Variants in PPP1R9A observed in about 807,000 individuals in gnomAD.
PPP1R9A encodes the protein neurabin-1.
Under a neutral mutation model 141.9 loss-of-function variants are expected in PPP1R9A, and 59 were observed. The observed-to-expected ratio is 0.42, with a 90% CI of 0.34 to 0.52. The LOEUF (loss-of-function observed/expected upper bound fraction) is 0.52. Ranked by LOEUF, PPP1R9A falls within the 20% of genes least tolerant of loss-of-function variation. The pLI, the probability that PPP1R9A is intolerant of heterozygous loss-of-function variation, is 0.10. For missense variants in PPP1R9A, 1,444 were observed against 1,611.9 expected (o/e 0.90, Z 1.78); for synonymous variants, 500 against 569.7 (o/e 0.88, Z 1.74).
intron 4 of PPP1R9A, among the ~76,000 whole-genome samples, chr7:95,148,424 C>T (rs1332815174): frequency 6.6e-6 from 1 of 152,070 alleles, no homozygotes; most frequent in African/African-American, 2.4e-5. Context: ...TTATGAGCCC[C>T]TCTGTGCCCA....
chr7:95,169,680 T>G (rs998265117), intron 5 of PPP1R9A, among the ~76,000 whole-genome samples: 34 of 151,854 alleles, frequency 2.2e-4, no homozygotes, highest in African/African-American at 8.2e-4. Flanking sequence ...ATTAAAAAAT[T>G]TAAAAATTAA....
chr7:95,056,194 C>T (rs1017992818), intron 2 of PPP1R9A, among the ~76,000 whole-genome samples: 1 of 152,024 alleles, frequency 6.6e-6, no homozygotes, highest in African/African-American at 2.4e-5. Flanking sequence ...ACACTTGATA[C>T]CTATGGATTT....
chr7:94,945,483 A>C (rs565401503), intron 2 of PPP1R9A, among the ~76,000 whole-genome samples: 2 of 152,222 alleles, frequency 1.3e-5, no homozygotes, highest in East Asian at 3.9e-4. Context: ...GTCATTGAAA[A>C]ATTACCAGTC....
intron 2 of PPP1R9A, among the ~76,000 whole-genome samples, chr7:95,069,947 A>G (rs1470526171): frequency 6.6e-6 from 1 of 152,162 alleles, no homozygotes; most frequent in Non-Finnish European, 1.5e-5. Flanking sequence ...TTGTTAGCAC[A>G]CAGTAAACTG....
chr7:95,190,890 A>G (rs1405973050), intron 5 of PPP1R9A, among the ~76,000 whole-genome samples: 2 of 152,182 alleles, frequency 1.3e-5, no homozygotes, highest in South Asian at 2.1e-4. Flanking sequence ...TGACTCCACA[A>G]TCAGCTTTTT....
intron 5 of PPP1R9A, among the ~76,000 whole-genome samples, chr7:95,169,196 C>T (rs764663602): frequency 2.5e-4 from 38 of 151,982 alleles, no homozygotes; most frequent in Middle Eastern, 3.4e-3. Context: ...CGGTGAAATA[C>T]TATTTTGCCA....
At chr7:94,941,234 G>T (rs540375711) in intron 2 of PPP1R9A, among the ~76,000 whole-genome samples, 3 of 152,100 alleles carry the variant, frequency 2.0e-5, no homozygotes, top group African/African-American at 7.2e-5. Flanking sequence ...GACAAACAAG[G>T]CTTAGAGTTA....
chr7:94,985,598 G>T (rs1189534439), intron 2 of PPP1R9A, among the ~76,000 whole-genome samples: 1 of 152,010 alleles, frequency 6.6e-6, no homozygotes, highest in Non-Finnish European at 1.5e-5. Flanking sequence ...TGTTTCTTTT[G>T]ATCTTTGTTG....
intron 7 of PPP1R9A, among the ~76,000 whole-genome samples, chr7:95,220,140 A>G (rs1340288063): frequency 6.6e-6 from 1 of 152,150 alleles, no homozygotes; most frequent in East Asian, 1.9e-4. Context: ...CACAGGAGTC[A>G]CTGACAAAAA....
At chr7:95,253,522 C>A (rs1046978768) in intron 12 of PPP1R9A, among the ~76,000 whole-genome samples, 16 of 150,816 alleles carry the variant, frequency 1.1e-4, no homozygotes, top group Admixed American at 8.0e-4. Context: ...ATAAATAGTG[C>A]CTCTTAGGCA....
intron 2 of PPP1R9A, among the ~76,000 whole-genome samples, chr7:95,096,385 G>A (rs933792058): frequency 9.2e-5 from 14 of 152,048 alleles, no homozygotes; most frequent in African/African-American, 3.4e-4. Flanking sequence ...TTGTTGCAAG[G>A]ACAGTGCAAT....
rs774262306 is a variant in PPP1R9A at position 94,910,989 on chromosome 7, A to G, written c.876A>G (p.Ile292Met). 6.2e-7 allele frequency: 1 copy of G among 1,614,132 alleles called. No individual in the cohort carries two copies. The highest frequency in any genetic ancestry group is 1.7e-5 in the Admixed American group (1 of 60,014). Reference protein sequence around the residue: ...VASKSTSLASIPGEEIQQSKE... With the variant: ...VASKSTSLASMPGEEIQQSKE... ...CTAAAAGTACCTCTCTAGCTTCGAT[A>G]CCTGGTGAAGAGATCCAGCAGAGCA... The change falls in exon 2 of 20, where the codon ATA (isoleucine) becomes ATG (methionine). Residue 292 changes from isoleucine to methionine, a missense_variant. Physicochemically the swap from Ile to Met is conservative, Grantham distance 10. Coordinates refer to ENST00000433360, the MANE Select transcript of PPP1R9A (RefSeq NM_001166160.2). The surrounding 1 kb of genome is among the most constrained non-coding windows in gnomAD (Gnocchi z 4.5).
intron 2 of PPP1R9A, among the ~76,000 whole-genome samples, chr7:95,007,858 G>T (rs1212149343): frequency 6.6e-6 from 1 of 152,086 alleles, no homozygotes; most frequent in African/African-American, 2.4e-5. Context: ...GATCACCTGA[G>T]GTCAGGAGCT....
Position 95,273,912 on chromosome 7 carries a change from T to C in PPP1R9A, c.3138T>C (p.Asp1046=). 1 of 1,502,908 alleles carries C rather than the reference T, an allele frequency of 6.7e-7. No individual in the cohort carries two copies. The highest frequency in any genetic ancestry group is 9.1e-7 in the Non-Finnish European group (1 of 1,094,256). The allele number at this position is 1,502,908 out of a possible 1,614,324, so 93.1% of individuals were successfully genotyped here. The change falls in exon 15 of 20, where the codon GAT becomes GAC. Residue 1046 remains aspartate (D), a synonymous_variant. Transcript: ENST00000433360. Reference sequence around the variant, plus strand: ...TGTATATCCTAGATGATGCCAAAGATCCCAAATCACTAAGGGCATCCAGTT... The same window carrying C: ...TGTATATCCTAGATGATGCCAAAGACCCCAAATCACTAAGGGCATCCAGTT... The part of the protein sequence containing the change: ...KILREKDDAK[D]PKSLRASSSL...
At chr7:95,163,688 C>T (rs777356109) in intron 5 of PPP1R9A, among the ~76,000 whole-genome samples, 2 of 152,074 alleles carry the variant, frequency 1.3e-5, no homozygotes, top group Non-Finnish European at 2.9e-5. Flanking sequence ...GTGGGATGCT[C>T]AACCTGTATA....
At chr7:95,252,522 C>T (rs1230174787) in intron 12 of PPP1R9A, among the ~76,000 whole-genome samples, 1 of 134,316 alleles carries the variant, frequency 7.4e-6, no homozygotes, top group Non-Finnish European at 1.5e-5. Flanking sequence ...GGCTGGAGTA[C>T]AGTGGTGCAA....
chr7:94,925,219 T>A (rs937079987), intron 2 of PPP1R9A, among the ~76,000 whole-genome samples: 2 of 152,034 alleles, frequency 1.3e-5, no homozygotes, highest in African/African-American at 4.8e-5. Context: ...TTTTTGCTTG[T>A]GGGGGAGTCA....
At chr7:95,032,469 A>ATTTCCCCCAAATCTACCCT (rs1402076961) in intron 2 of PPP1R9A, among the ~76,000 whole-genome samples, 1 of 152,088 alleles carries the variant, frequency 6.6e-6, no homozygotes, top group African/African-American at 2.4e-5. Context: ...TAATTGAATC[A>ATTTCCCCCAAATCTACCCT]TTTCCCCCAA....
chr7:95,022,333 A>T (rs1472695219), intron 2 of PPP1R9A, among the ~76,000 whole-genome samples: 2 of 152,076 alleles, frequency 1.3e-5, no homozygotes, highest in Admixed American at 1.3e-4. Flanking sequence ...TTATCCTGAG[A>T]CTTTGCTCAA....
Sources: allele counts gnomAD v4.1 joint callset (sites outside exome capture counted in the v4.1 genomes callset), GRCh38; gene constraint gnomAD v4.1.1; non-coding constraint Gnocchi (gnomAD v3.1); transcripts MANE v1.5; gene names NCBI Gene and HGNC (gene_info 2026-07-23, HGNC 2026-07-21).